Variants in HCFC2 observed in about 807,000 individuals in gnomAD.
HCFC2 encodes the protein host cell factor 2.
Under a neutral mutation model 89.2 loss-of-function variants are expected in HCFC2, and 18 were observed. The ratio of observed to expected loss-of-function variants is 0.20; its 90% CI spans 0.14 to 0.30. The LOEUF (loss-of-function observed/expected upper bound fraction) is 0.30, where lower values mean the gene tolerates loss of function less well. Among genes scored for constraint, HCFC2 ranks in the 10% least tolerant of loss-of-function variants. The pLI is 1.00. For missense variants in HCFC2, 578 were observed against 956.1 expected (o/e 0.60, Z 5.21); for synonymous variants, 308 against 335.7 (o/e 0.92, Z 0.90).
intron 5 of HCFC2, among the ~76,000 whole-genome samples, chr12:104,081,713 A>G (rs1334697635): frequency 6.6e-6 from 1 of 151,630 alleles, no homozygotes; most frequent in Non-Finnish European, 1.5e-5. Flanking sequence ...GAAATTTTCC[A>G]TTGAAACCCC....
Position 104,095,911 on chromosome 12 carries a change from A to G in HCFC2, c.1666+348A>G, listed in dbSNP as rs949108545. Among the ~76,000 whole-genome samples the G allele has an allele frequency of 3.9e-4, 59 of 152,216 alleles. No individual in the cohort carries two copies. The highest frequency in any genetic ancestry group is 1.4e-3 in the African/African-American group (57 of 41,466). On this transcript the variant is annotated intron_variant, in intron 11 of 14. Coordinates refer to ENST00000229330, the MANE Select transcript of HCFC2 (RefSeq NM_013320.3). This position sits in a 1 kb window ranked among gnomAD's most constrained non-coding sequence, Gnocchi z 4.2. ...GCATAAAATATTTAGATTAGCACACACTATTGAAATACAATCAGAATGTGT... is the reference window on the plus strand; with the variant it reads ...GCATAAAATATTTAGATTAGCACACGCTATTGAAATACAATCAGAATGTGT...
At chr12:104,065,154 G>C (rs367609749) in intron 1 of HCFC2, 3 of 153,834 alleles carry the variant, frequency 2.0e-5, no homozygotes, top group South Asian at 2.0e-4. Context: ...GACCATCTAG[G>C]GGGTGAGGAG....
intron 13 of HCFC2, among the ~76,000 whole-genome samples, 161 bp from the exon 14 acceptor site, chr12:104,101,807 G>A (rs1332763666): frequency 6.6e-6 from 1 of 152,110 alleles, no homozygotes. Flanking sequence ...CTATTGGAGG[G>A]TTCATTCCAT....
intron 10 of HCFC2, 141 bp downstream of exon 10, chr12:104,093,704 T>A: frequency 1.5e-6 from 1 of 663,244 alleles, no homozygotes; most frequent in Admixed American, 3.1e-5. Context: ...GTTAGAATAA[T>A]GTTAAAATAC....
At chr12:104,100,483 G>C (rs934090162) in intron 13 of HCFC2, among the ~76,000 whole-genome samples, 3 of 152,030 alleles carry the variant, frequency 2.0e-5, no homozygotes, top group Non-Finnish European at 4.4e-5. Context: ...GCTGAGGTGG[G>C]AGGATCACTT....
At chr12:104,080,935 C>T in intron 5 of HCFC2, 105 bp downstream of exon 5, 1 of 684,106 alleles carries the variant, frequency 1.5e-6, no homozygotes, top group South Asian at 1.9e-5. Flanking sequence ...GATTATGAAA[C>T]TTAACAAAGT....
chr12:104,069,584 C>T (rs1003929498), intron 3 of HCFC2, among the ~76,000 whole-genome samples: 2 of 149,238 alleles, frequency 1.3e-5, no homozygotes, highest in African/African-American at 4.9e-5. Context: ...TTGTGTCTGT[C>T]TTATTTCGCT....
chr12:104,069,378 T>C (rs932417659), intron 3 of HCFC2, among the ~76,000 whole-genome samples: 1 of 152,196 alleles, frequency 6.6e-6, no homozygotes, highest in East Asian at 1.9e-4. Context: ...CCTCATGTTG[T>C]ACATTAGATC....
chr12:104,090,164 T>A (rs77797747), intron 9 of HCFC2, among the ~76,000 whole-genome samples: 6,009 of 152,282 alleles, frequency 0.039, 143 homozygotes, highest in Non-Finnish European at 0.057. Context: ...TTTGAGATCT[T>A]GCATATCTGA....
At chr12:104,069,534 A>T (rs1164108675) in intron 3 of HCFC2, among the ~76,000 whole-genome samples, 1 of 151,910 alleles carries the variant, frequency 6.6e-6, no homozygotes, top group East Asian at 1.9e-4. Flanking sequence ...TTAAAAAAAA[A>T]AAAAAAGATT....
At chr12:104,092,008 TA>T (rs1884036275) in intron 9 of HCFC2, among the ~76,000 whole-genome samples, 2 of 152,100 alleles carry the variant, frequency 1.3e-5, no homozygotes, top group Admixed American at 1.3e-4. Context: ...TATGAGAAAT[TA>T]TGAGCCAACA....
Position 104,102,145 on chromosome 12 carries a change from A to G in HCFC2, c.2056A>G (p.Ile686Val). The G allele has an allele frequency of 6.2e-7, 1 of 1,613,142 alleles. No individual in the cohort carries two copies. The part of the protein sequence containing the change: ...GFPGAPSAVR[I>V]SKNVEGIHLS... Reference sequence around the variant, plus strand: ...TCCTGGAGCTCCTTCTGCAGTCAGAATTTCAAAGGTGAGACATCGGGTCAA... The same window carrying G: ...TCCTGGAGCTCCTTCTGCAGTCAGAGTTTCAAAGGTGAGACATCGGGTCAA... The change falls in exon 14 of 15, where the codon ATT (isoleucine) becomes GTT (valine). Residue 686 changes from isoleucine (I) to valine (V), a missense_variant. This residue lies in a region of HCFC2 where 140 missense variants were observed against 266.4 expected (regional missense o/e 0.53). Coordinates refer to ENST00000229330, the MANE Select transcript of HCFC2 (RefSeq NM_013320.3).
intron 2 of HCFC2, among the ~76,000 whole-genome samples, chr12:104,066,963 T>A (rs1013414124): frequency 6.6e-5 from 10 of 152,230 alleles, no homozygotes; most frequent in African/African-American, 2.4e-4. Flanking sequence ...AATTTTTGTA[T>A]TTTTAGTAGA....
chr12:104,067,514 G>A (rs1194228049), intron 2 of HCFC2, among the ~76,000 whole-genome samples: 1 of 152,158 alleles, frequency 6.6e-6, no homozygotes, highest in Non-Finnish European at 1.5e-5. Context: ...AACATCCATG[G>A]CCAGAGAATA....
chr12:104,091,720 G>A (rs1002646463), intron 9 of HCFC2, among the ~76,000 whole-genome samples: 2 of 152,092 alleles, frequency 1.3e-5, no homozygotes, highest in African/African-American at 2.4e-5. Flanking sequence ...AACCAAATTC[G>A]AATTCTAGCT....
chr12:104,083,139 T>C (rs998291118), intron 7 of HCFC2, among the ~76,000 whole-genome samples: 2 of 152,174 alleles, frequency 1.3e-5, no homozygotes, highest in African/African-American at 4.8e-5. Flanking sequence ...GGGAAAATAG[T>C]AGCTTTACAG....
At chr12:104,099,708 C>A (rs780450346) in intron 13 of HCFC2, among the ~76,000 whole-genome samples, 3 of 152,120 alleles carry the variant, frequency 2.0e-5, no homozygotes, top group Non-Finnish European at 4.4e-5. Flanking sequence ...CTCTGTCACC[C>A]AAGCTGGAGT....
intron 3 of HCFC2, among the ~76,000 whole-genome samples, chr12:104,072,759 C>T (rs895777081): frequency 3.9e-5 from 6 of 152,002 alleles, no homozygotes; most frequent in African/African-American, 1.5e-4. Flanking sequence ...TCTCCTGCCT[C>T]AGCCTCCCGA....
rs184255773 is a variant in HCFC2 at position 104,066,514 on chromosome 12, T to G, written c.312+199T>G. Among the ~76,000 whole-genome samples the G allele has an allele frequency of 4.6e-3, 702 of 152,346 alleles. 19 individuals are homozygous for G. The highest frequency in any genetic ancestry group is 8.5e-4 in the Non-Finnish European group (58 of 68,030). ...ACATTTTATAGCTTTATAGAAAATG[T>G]TTCCACTTCACTTAAAACCCAAAGT... On this transcript the variant is annotated intron_variant, in intron 2 of 14. Coordinates refer to ENST00000229330, the MANE Select transcript of HCFC2 (RefSeq NM_013320.3).
Sources: gnomAD v4.1 joint callset for allele counts (sites outside exome capture counted in the v4.1 genomes callset) on GRCh38, gnomAD v4.1.1 for gene constraint, gnomAD v4.1.1 regional missense constraint, Gnocchi (gnomAD v3.1) non-coding constraint, MANE v1.5 for transcripts, NCBI Gene and HGNC (gene_info 2026-07-23, HGNC 2026-07-21) for gene names.